RALYL: variants seen among roughly 807,000 people sequenced by gnomAD.
The protein encoded by RALYL is RNA-binding Raly-like protein.
Under a neutral mutation model 35.1 loss-of-function variants are expected in RALYL, and 29 were observed. The ratio of observed to expected loss-of-function variants is 0.83; its 90% confidence interval spans 0.61 to 1.13. The LOEUF is 1.13. Ranked by LOEUF, RALYL falls within the 50% of genes most tolerant of loss-of-function variation. The probability of loss-of-function intolerance (pLI) is 0.00; values close to 1 mark genes in which losing one functional copy is unlikely to be tolerated. For synonymous variants in RALYL, 120 were observed against 127.6 expected (o/e 0.94, Z 0.40); for missense variants, 359 against 360.4 (o/e 1.00, Z 0.03).
intron 1 of RALYL, among the ~76,000 whole-genome samples, chr8:84,323,758 T>A (rs573875573): frequency 2.6e-5 from 4 of 152,174 alleles, no homozygotes; most frequent in African/African-American, 7.2e-5. Context: ...TGAAAGCAAC[T>A]TTTTCTTGGA....
chr8:84,612,422 C>A (rs1209280901), intron 2 of RALYL, among the ~76,000 whole-genome samples: 1 of 151,888 alleles, frequency 6.6e-6, no homozygotes, highest in African/African-American at 2.4e-5. Flanking sequence ...GACAAACTCC[C>A]CCTTTTGTAG....
At chr8:84,718,338 C>T (rs895863874) in intron 2 of RALYL, among the ~76,000 whole-genome samples, 4 of 152,048 alleles carry the variant, frequency 2.6e-5, no homozygotes, top group Non-Finnish European at 4.4e-5. Flanking sequence ...TTAGTTGCTC[C>T]TTGTAGGTAT....
chr8:84,190,960 T>A (rs1166930263), intron 1 of RALYL, among the ~76,000 whole-genome samples: 4 of 151,720 alleles, frequency 2.6e-5, no homozygotes, highest in Non-Finnish European at 5.9e-5. Context: ...AAAAAGTATG[T>A]GGGGTGTGTG....
At chr8:84,771,490 T>G (rs1377601666) in intron 2 of RALYL, among the ~76,000 whole-genome samples, 1 of 152,128 alleles carries the variant, frequency 6.6e-6, no homozygotes, top group Non-Finnish European at 1.5e-5. Flanking sequence ...AAAATAGTTT[T>G]TACCATGTAC....
chr8:84,442,526 T>TTCAGTC (rs1408533650), intron 1 of RALYL, among the ~76,000 whole-genome samples: 2 of 152,124 alleles, frequency 1.3e-5, no homozygotes, highest in Non-Finnish European at 2.9e-5. Flanking sequence ...ACCTAGTTCC[T>TTCAGTC]AACTTCAAGG....
intron 2 of RALYL, among the ~76,000 whole-genome samples, chr8:84,616,284 C>T (rs1417601783): frequency 9.6e-5 from 11 of 114,884 alleles, no homozygotes; most frequent in African/African-American, 2.2e-4. Context: ...TAATGATTGC[C>T]ATTCTAACTG....
At chr8:84,513,816 C>A (rs1166563705) in intron 1 of RALYL, among the ~76,000 whole-genome samples, 1 of 151,938 alleles carries the variant, frequency 6.6e-6, no homozygotes, top group African/African-American at 2.4e-5. Context: ...GCCAATAGGA[C>A]CAGGTGCAGT....
rs562264580 is a variant in RALYL at position 84,308,500 on chromosome 8, C to T, written c.-24+124076C>T. Among the ~76,000 whole-genome samples, 10 of 152,276 alleles carry T rather than the reference C, an allele frequency of 6.6e-5. No individual in the cohort carries two copies. In the South Asian group the frequency reaches 1.9e-3, roughly 28 times the overall value. On this transcript the variant is annotated intron_variant, in intron 1 of 8. Coordinates refer to ENST00000521268, the MANE Select transcript of RALYL (RefSeq NM_173848.7). ...AAATGACCCACAAACAGATTTTTGACCACAGATATCCAGTCATGCCACCTT... is the reference window on the plus strand; with the variant it reads ...AAATGACCCACAAACAGATTTTTGATCACAGATATCCAGTCATGCCACCTT...
intron 1 of RALYL, among the ~76,000 whole-genome samples, chr8:84,315,740 C>T (rs191763807): frequency 6.6e-5 from 10 of 151,746 alleles, no homozygotes; most frequent in South Asian, 2.1e-4. Context: ...ATAGGAAAAT[C>T]CATTAGCTGC....
chr8:84,659,494 T>G (rs1472224125), intron 2 of RALYL, among the ~76,000 whole-genome samples: 1 of 151,860 alleles, frequency 6.6e-6, no homozygotes, highest in Non-Finnish European at 1.5e-5. Context: ...TAAAGAAAGG[T>G]AGCTTGTTGC....
intron 2 of RALYL, among the ~76,000 whole-genome samples, chr8:84,756,652 G>A (rs1811486095): frequency 6.6e-6 from 1 of 152,176 alleles, no homozygotes; most frequent in East Asian, 1.9e-4. Flanking sequence ...ACTCTGAGGA[G>A]AGAAGTTATG....
intron 2 of RALYL, among the ~76,000 whole-genome samples, chr8:84,735,082 A>G (rs28660088): frequency 0.031 from 4,708 of 151,510 alleles, 246 homozygotes; most frequent in African/African-American, 0.11. Flanking sequence ...TTGGCCACAA[A>G]TGGTCAGAAG....
At chr8:84,470,942 A>T (rs1047136361) in intron 1 of RALYL, among the ~76,000 whole-genome samples, 2 of 152,202 alleles carry the variant, frequency 1.3e-5, no homozygotes, top group Admixed American at 6.5e-5. Flanking sequence ...TGCAGATGTC[A>T]TGTTACTATG....
chr8:84,562,666 A>AACTAG (rs5892928), intron 2 of RALYL, among the ~76,000 whole-genome samples: 45,271 of 151,222 alleles, frequency 0.3, 7,544 homozygotes, highest in African/African-American at 0.46. Flanking sequence ...AATCACTACT[A>AACTAG]ACTAACAACC....
intron 1 of RALYL, among the ~76,000 whole-genome samples, chr8:84,444,516 A>G (rs2048664412): frequency 6.6e-6 from 1 of 152,072 alleles, no homozygotes; most frequent in South Asian, 2.1e-4. Context: ...AGTTTTCAGC[A>G]GGAAAGAGAA....
intron 1 of RALYL, among the ~76,000 whole-genome samples, chr8:84,362,497 C>G (rs756070638): frequency 1.3e-5 from 2 of 152,080 alleles, no homozygotes; most frequent in Admixed American, 1.3e-4. Flanking sequence ...AGGAGGCAAG[C>G]GAGCATTACC....
intron 1 of RALYL, among the ~76,000 whole-genome samples, chr8:84,242,383 G>A (rs1365227313): frequency 6.6e-6 from 1 of 152,110 alleles, no homozygotes; most frequent in African/African-American, 2.4e-5. Flanking sequence ...GTGTCAGATT[G>A]GTATTTCTGC....
At position 84,426,760 on chromosome 8, in the gene RALYL, C is replaced by T. The variant is rs1008208081; in HGVS notation, c.-23-102539C>T. 3.9e-5 allele frequency among the ~76,000 whole-genome samples: 6 copies of T among 152,122 alleles called. No individual in the cohort carries two copies. The East Asian group carries it at 1.2e-3, about 29-fold the overall frequency. ...GCAAATCAAAACCACTGTGAGATAC[C>T]ACCTCATACCTGTCAGGATGGCTAT... is the stretch of plus-strand genomic sequence containing the variant. On this transcript the variant is annotated intron_variant, in intron 1 of 8. Transcript: ENST00000521268.
chr8:84,829,150 T>C (rs1830352991), intron 4 of RALYL, among the ~76,000 whole-genome samples: 1 of 152,042 alleles, frequency 6.6e-6, no homozygotes, highest in Non-Finnish European at 1.5e-5. Context: ...CAAGAGAGCA[T>C]GTGCAGGAGA....
Sources: allele counts gnomAD v4.1 joint callset (sites outside exome capture counted in the v4.1 genomes callset), GRCh38; gene constraint gnomAD v4.1.1; transcripts MANE v1.5; gene names NCBI Gene and HGNC (gene_info 2026-07-23, HGNC 2026-07-21).